The following AGMO variants were observed in gnomAD, a reference collection of about 807,000 sequenced individuals.
AGMO encodes the protein alkylglycerol monooxygenase, also known as glyceryl-ether monooxygenase.
Under a neutral mutation model 60.2 loss-of-function variants are expected in AGMO, and 75 were observed. The ratio of observed to expected loss-of-function variants is 1.25; its 90% CI spans 1.03 to 1.51. The LOEUF (loss-of-function observed/expected upper bound fraction) is 1.51, where lower values mean the gene tolerates loss of function less well. AGMO is among the 40% of genes most tolerant of loss of function. The pLI is 0.00. For missense variants in AGMO, 763 were observed against 525.5 expected (o/e 1.45, Z -4.42); for synonymous variants, 261 against 177.1 (o/e 1.47, Z -3.76).
At chr7:15,180,170 G>A in the AGMO span, among the ~76,000 whole-genome samples, 1 of 152,234 alleles carries the variant, frequency 6.6e-6, no homozygotes, top group Non-Finnish European at 1.5e-5. Flanking sequence ...CACCTTTGGC[G>A]TTCTTTCTTG....
chr7:15,223,561 A>C (rs1247753031), intron 12 of AGMO, among the ~76,000 whole-genome samples: 1 of 151,978 alleles, frequency 6.6e-6, no homozygotes, highest in Non-Finnish European at 1.5e-5. Context: ...ATAAGGGAGA[A>C]ATATTTTTTC....
intron 12 of AGMO, among the ~76,000 whole-genome samples, chr7:15,295,585 G>A (rs7777284): frequency 0.46 from 70,426 of 151,756 alleles, 16,373 homozygotes; most frequent in African/African-American, 0.53. Flanking sequence ...TTTAATCCTC[G>A]CTATTAATAG....
At chr7:15,374,525 G>A (rs1194555251) in intron 10 of AGMO, among the ~76,000 whole-genome samples, 2 of 151,920 alleles carry the variant, frequency 1.3e-5, no homozygotes, top group Non-Finnish European at 2.9e-5. Context: ...TGACACTATG[G>A]TTCTACTCCA....
At chr7:15,128,185 A>G in the AGMO span, among the ~76,000 whole-genome samples, 3 of 152,092 alleles carry the variant, frequency 2.0e-5, no homozygotes, top group Admixed American at 6.6e-5. Context: ...TTCAGAGGAG[A>G]AAACAGGTGG....
chr7:15,373,230 A>T (rs1050285049), intron 10 of AGMO, among the ~76,000 whole-genome samples: 1 of 151,880 alleles, frequency 6.6e-6, no homozygotes. Context: ...GTGAGCTGAG[A>T]TGGCACCACA....
chr7:15,170,199 G>A, the AGMO span, among the ~76,000 whole-genome samples: 2 of 152,214 alleles, frequency 1.3e-5, no homozygotes, highest in African/African-American at 2.4e-5. Flanking sequence ...GAGCTGAAAG[G>A]GAGAGTGAGA....
At chr7:15,345,242 T>C (rs941512009) in intron 12 of AGMO, among the ~76,000 whole-genome samples, 1 of 152,212 alleles carries the variant, frequency 6.6e-6, no homozygotes, top group Non-Finnish European at 1.5e-5. Flanking sequence ...TTAGTAATTT[T>C]TCTAGTTTTT....
At chr7:15,167,125 T>G in the AGMO span, among the ~76,000 whole-genome samples, 21 of 152,320 alleles carry the variant, frequency 1.4e-4, no homozygotes, top group African/African-American at 4.6e-4. Flanking sequence ...CATGAAAATT[T>G]ATAGCAATCA....
chr7:15,527,623 T>C (rs1042939722), intron 3 of AGMO, among the ~76,000 whole-genome samples: 1 of 152,226 alleles, frequency 6.6e-6, no homozygotes, highest in East Asian at 1.9e-4. Flanking sequence ...GTGGCTGCAC[T>C]AAACAATAGA....
At chr7:15,257,603 C>A (rs1226221176) in intron 12 of AGMO, among the ~76,000 whole-genome samples, 1 of 151,992 alleles carries the variant, frequency 6.6e-6, no homozygotes, top group Non-Finnish European at 1.5e-5. Flanking sequence ...TGCCTTGGGG[C>A]AAATAAATTC....
intron 10 of AGMO, among the ~76,000 whole-genome samples, chr7:15,383,390 T>C (rs879522051): frequency 3.9e-5 from 6 of 152,038 alleles, no homozygotes; most frequent in Non-Finnish European, 8.8e-5. Context: ...ATAAATCCAC[T>C]CTGCGTTGAA....
At chr7:15,408,531 A>G (rs1784762920) in intron 5 of AGMO, among the ~76,000 whole-genome samples, 1 of 151,860 alleles carries the variant, frequency 6.6e-6, no homozygotes, top group Admixed American at 6.6e-5. Context: ...GTGTATAATG[A>G]CTGTTTTAAG....
At chr7:15,208,923 G>A (rs562163975) in intron 12 of AGMO, among the ~76,000 whole-genome samples, 30 of 152,220 alleles carry the variant, frequency 2.0e-4, no homozygotes, top group African/African-American at 6.5e-4. Context: ...TGAGAAACAC[G>A]ACATTTAATC....
At chr7:15,212,232 G>A (rs558837576) in intron 12 of AGMO, among the ~76,000 whole-genome samples, 112 of 144,322 alleles carry the variant, frequency 7.8e-4, no homozygotes, top group Middle Eastern at 3.4e-3. Flanking sequence ...TATTTATTTA[G>A]TGTTAGGTGT....
chr7:15,460,679 T>C (rs1782121465), intron 3 of AGMO, among the ~76,000 whole-genome samples: 1 of 152,108 alleles, frequency 6.6e-6, no homozygotes, highest in East Asian at 1.9e-4. Flanking sequence ...TAACTCACAT[T>C]GACATGATTT....
chr7:15,291,706 A>T (rs1046811514), intron 12 of AGMO, among the ~76,000 whole-genome samples: 1 of 152,236 alleles, frequency 6.6e-6, no homozygotes, highest in Non-Finnish European at 1.5e-5. Flanking sequence ...CTAGCCTAAC[A>T]GGATTCACGG....
At chr7:15,322,237 A>G (rs1010028523) in intron 12 of AGMO, among the ~76,000 whole-genome samples, 5 of 147,508 alleles carry the variant, frequency 3.4e-5, no homozygotes, top group Non-Finnish European at 5.9e-5. Context: ...AATATAATGT[A>G]ATATAATATA....
chr7:15,531,174 C>CTGTATATATTCTA lies in AGMO; in HGVS notation c.409+13597_409+13598insTAGAATATATACA, dbSNP rs796335594. Among the ~76,000 whole-genome samples, 125 of 19,630 alleles carry CTGTATATATTCTA rather than the reference C, an allele frequency of 6.4e-3. 9 individuals carry two copies. Among genetic ancestry groups the CTGTATATATTCTA allele is most frequent in the Non-Finnish European group, 7.0e-3 (87 of 12,406 alleles). The allele number at this position is 19,630 out of a possible 152,430, so 12.9% of individuals were successfully genotyped here. ...TCTATATATATTCTATATATATATT[C>CTGTATATATTCTA]TATATATTCTATATATATTCTATAT... is the stretch of plus-strand genomic sequence containing the variant. On this transcript the variant is annotated intron_variant, in intron 3 of 12. Transcript: ENST00000342526.
chr7:15,325,791 T>A (rs1781321061), intron 12 of AGMO, among the ~76,000 whole-genome samples: 1 of 152,184 alleles, frequency 6.6e-6, no homozygotes. Context: ...TTCATTAGGA[T>A]TATCTTAATA....
Sources: gnomAD v4.1 joint callset for allele counts (sites outside exome capture counted in the v4.1 genomes callset) on GRCh38, gnomAD v4.1.1 for gene constraint, MANE v1.5 for transcripts, NCBI Gene and HGNC (gene_info 2026-07-23, HGNC 2026-07-21) for gene names.